The following SMYD3 variants were observed in gnomAD, a reference collection of about 807,000 sequenced individuals.
SMYD3 encodes the protein SET and MYND domain containing 3.
In SMYD3, 36 loss-of-function variants were observed where a neutral mutation model predicts 57.7. The observed-to-expected ratio is 0.62, with a 90% confidence interval of 0.48 to 0.82. The LOEUF (loss-of-function observed/expected upper bound fraction) is 0.82. SMYD3 is among the 40% of genes least tolerant of loss of function. The pLI is 0.00. For synonymous variants in SMYD3, 211 were observed against 195.0 expected, an observed-to-expected ratio of 1.08 and a Z score of -0.68; for missense variants, 515 against 538.8, an observed-to-expected ratio of 0.96 and a Z score of 0.44.
At chr1:246,207,689 T>C (rs927555577) in intron 5 of SMYD3, among the ~76,000 whole-genome samples, 2 of 152,130 alleles carry the variant, frequency 1.3e-5, no homozygotes, top group Non-Finnish European at 2.9e-5. Context: ...TACAAAATTA[T>C]AACAACGATG....
At chr1:245,960,226 G>A (rs1298019530) in intron 5 of SMYD3, among the ~76,000 whole-genome samples, 1 of 152,190 alleles carries the variant, frequency 6.6e-6, no homozygotes, top group Non-Finnish European at 1.5e-5. Flanking sequence ...CTTGCTTGAT[G>A]CAAAGATCTG....
chr1:245,892,013 A>G (rs550611301), intron 8 of SMYD3, among the ~76,000 whole-genome samples: 66 of 152,276 alleles, frequency 4.3e-4, no homozygotes, highest in Middle Eastern at 3.4e-3. Context: ...AGCCTGGGCG[A>G]AAGAGTGACG....
chr1:245,816,554 G>T (rs1381091268), intron 10 of SMYD3, among the ~76,000 whole-genome samples: 1 of 149,194 alleles, frequency 6.7e-6, no homozygotes, highest in Admixed American at 6.7e-5. Context: ...AGCCAAGATG[G>T]CCGAATAGGA....
rs145859435 is a variant in SMYD3 at position 245,766,923 on chromosome 1, C to T, written c.1077-2774G>A. Among the ~76,000 whole-genome samples, 636 of 152,248 alleles carry T rather than the reference C, an allele frequency of 4.2e-3. 3 individuals carry two copies. The highest frequency in any genetic ancestry group is 0.015 in the African/African-American group (613 of 41,532). On this transcript the variant is annotated intron_variant, in intron 10 of 11. Transcript: ENST00000490107. Reference sequence around the variant, plus strand: ...GGAAGCGCTTGTCCAGGGGCACTTCCAAATAAATATTTCCAGGGCAGCCTC... The same window carrying T: ...GGAAGCGCTTGTCCAGGGGCACTTCTAAATAAATATTTCCAGGGCAGCCTC...
At chr1:245,983,817 A>T (rs1393686799) in intron 5 of SMYD3, among the ~76,000 whole-genome samples, 1 of 152,202 alleles carries the variant, frequency 6.6e-6, no homozygotes, top group Non-Finnish European at 1.5e-5. Flanking sequence ...GGTTTCAAGG[A>T]ATCAGTAGCA....
At chr1:246,137,294 T>C (rs2148095076) in intron 5 of SMYD3, among the ~76,000 whole-genome samples, 1 of 152,316 alleles carries the variant, frequency 6.6e-6, no homozygotes, top group Admixed American at 6.5e-5. Context: ...TCCATGGGAT[T>C]CACATGTTTT....
At chr1:246,058,438 G>A (rs1241073725) in intron 5 of SMYD3, among the ~76,000 whole-genome samples, 1 of 152,134 alleles carries the variant, frequency 6.6e-6, no homozygotes, top group East Asian at 1.9e-4. Context: ...CATGTATGGT[G>A]GAAACTATGA....
rs79341222 is a variant in SMYD3, at chr1:246,205,260, G to A, written c.531+121941C>T. Among the ~76,000 whole-genome samples, 3,148 of 152,304 alleles carry A rather than the reference G, an allele frequency of 0.021. 227 individuals carry two copies. The East Asian group carries it at 0.24, about 11-fold the overall frequency. On this transcript the variant is annotated intron_variant, in intron 5 of 11. Coordinates refer to ENST00000490107, the MANE Select transcript of SMYD3 (RefSeq NM_001167740.2). ...AATTAGCTCAAGAAAATACTTAGGTGTCATCTCTTTCTAACAAAGTTATTT... is the reference window on the plus strand; with the variant it reads ...AATTAGCTCAAGAAAATACTTAGGTATCATCTCTTTCTAACAAAGTTATTT...
At chr1:246,391,931 TTGCAC>T (rs1316849875) in intron 1 of SMYD3, among the ~76,000 whole-genome samples, 1 of 152,138 alleles carries the variant, frequency 6.6e-6, no homozygotes, top group Non-Finnish European at 1.5e-5. Context: ...GAACATACCC[TTGCAC>T]TATCCATAAC....
chr1:246,331,040 A>G (rs1247628707), intron 3 of SMYD3, among the ~76,000 whole-genome samples: 1 of 152,164 alleles, frequency 6.6e-6, no homozygotes, highest in Non-Finnish European at 1.5e-5. Flanking sequence ...CAGGCCGAGG[A>G]GGGAGAATCA....
At chr1:246,079,713 G>C (rs1217525810) in intron 5 of SMYD3, among the ~76,000 whole-genome samples, 2 of 152,098 alleles carry the variant, frequency 1.3e-5, no homozygotes, top group East Asian at 3.9e-4. Context: ...GCAAACTGTG[G>C]TCTCCAATGC....
intron 5 of SMYD3, among the ~76,000 whole-genome samples, chr1:246,263,977 T>A (rs940108517): frequency 2.0e-5 from 3 of 152,016 alleles, no homozygotes; most frequent in African/African-American, 7.2e-5. Context: ...AACCAACAAA[T>A]CAAGCTTTTA....
chr1:246,155,254 A>G (rs903172311), intron 5 of SMYD3, among the ~76,000 whole-genome samples: 5 of 152,224 alleles, frequency 3.3e-5, no homozygotes, highest in Non-Finnish European at 7.3e-5. Flanking sequence ...TTATACTGGT[A>G]TTACTTTAAA....
At chr1:245,943,813 C>T (rs1443668357) in intron 5 of SMYD3, among the ~76,000 whole-genome samples, 1 of 152,126 alleles carries the variant, frequency 6.6e-6, no homozygotes, top group Non-Finnish European at 1.5e-5. Context: ...CCCAGGGATG[C>T]AAAGCTGGTT....
chr1:246,473,600 C>A (rs1221728458), intron 1 of SMYD3, among the ~76,000 whole-genome samples: 1 of 152,122 alleles, frequency 6.6e-6, no homozygotes, highest in African/African-American at 2.4e-5. Context: ...CTAAAATTGC[C>A]CCCCACCACC....
intron 5 of SMYD3, among the ~76,000 whole-genome samples, chr1:246,198,228 G>A (rs2062855861): frequency 6.6e-6 from 1 of 152,126 alleles, no homozygotes; most frequent in African/African-American, 2.4e-5. Context: ...AGTATCACAG[G>A]GACTAAACCT....
intron 5 of SMYD3, among the ~76,000 whole-genome samples, chr1:246,120,974 T>C (rs1269278730): frequency 6.6e-6 from 1 of 152,208 alleles, no homozygotes; most frequent in East Asian, 1.9e-4. Flanking sequence ...GATGGCTTTC[T>C]TTAATCTCAT....
chr1:245,858,791 T>TC lies in SMYD3; in HGVS notation c.902-122dup, dbSNP rs1168378357. 26 of 993,468 alleles carry TC rather than the reference T, an allele frequency of 2.6e-5. No individual in the cohort carries two copies. In the East Asian group the frequency reaches 6.2e-4, roughly 24 times the overall value. The allele number at this position is 993,468 out of a possible 1,614,324, so 61.5% of individuals were successfully genotyped here. ...GAGCGAGGGAAGCACCCGTTATTTT[T>TC]CACAGATGAGCTGCCTGAAAACACA... On this transcript the variant is annotated intron_variant, in intron 9 of 11. Transcript: ENST00000490107.
chr1:246,103,431 T>C (rs1236971382), intron 5 of SMYD3, among the ~76,000 whole-genome samples: 1 of 151,496 alleles, frequency 6.6e-6, no homozygotes, highest in East Asian at 1.9e-4. Context: ...ATTCAGTTTG[T>C]CCATGTAAAA....
Sources: allele counts gnomAD v4.1 joint callset (sites outside exome capture counted in the v4.1 genomes callset), GRCh38; gene constraint gnomAD v4.1.1; transcripts MANE v1.5; gene names NCBI Gene and HGNC (gene_info 2026-07-23, HGNC 2026-07-21).